Variants in ADAMTS19 observed in about 807,000 individuals in gnomAD.
The protein encoded by ADAMTS19 is A disintegrin and metalloproteinase with thrombospondin motifs 19.
ADAMTS19 carries 93 observed loss-of-function variants against 153.3 expected under a neutral mutation model. That is an observed-to-expected ratio of 0.61 (90% CI 0.51 to 0.72). The LOEUF (loss-of-function observed/expected upper bound fraction) is 0.72. ADAMTS19 is among the 30% of genes least tolerant of loss of function. The pLI is 0.00. For missense variants in ADAMTS19, 1,482 were observed against 1,552.1 expected, an observed-to-expected ratio of 0.95 and a Z score of 0.76; for synonymous variants, 600 against 556.6, an observed-to-expected ratio of 1.08 and a Z score of -1.10.
chr5:129,717,375 A>T (rs1205928425), intron 21 of ADAMTS19, among the ~76,000 whole-genome samples: 1 of 152,150 alleles, frequency 6.6e-6, no homozygotes, highest in Non-Finnish European at 1.5e-5. Flanking sequence ...TTCTGACTCT[A>T]ATTTGATAAC....
intron 10 of ADAMTS19, among the ~76,000 whole-genome samples, chr5:129,640,731 G>A (rs1181895794): frequency 1.3e-5 from 2 of 151,930 alleles, no homozygotes; most frequent in South Asian, 4.2e-4. Context: ...TACTTGTTCT[G>A]TCTTTATTGA....
chr5:129,574,544 C>G (rs940387902), intron 7 of ADAMTS19, among the ~76,000 whole-genome samples: 2 of 151,994 alleles, frequency 1.3e-5, no homozygotes, highest in African/African-American at 4.8e-5. Flanking sequence ...TTCTGGAAAA[C>G]TGACTTTTTT....
intron 8 of ADAMTS19, among the ~76,000 whole-genome samples, chr5:129,596,993 C>T (rs575322346): frequency 5.9e-5 from 9 of 152,160 alleles, no homozygotes; most frequent in African/African-American, 1.4e-4. Context: ...ACTTTTCAAA[C>T]GCTTAGTACA....
intron 6 of ADAMTS19, among the ~76,000 whole-genome samples, chr5:129,530,474 G>C (rs968954580): frequency 5.9e-5 from 9 of 152,096 alleles, no homozygotes; most frequent in Non-Finnish European, 1.0e-4. Context: ...GAGCGTTGTG[G>C]GGAGCAGAGG....
chr5:129,597,397 G>C (rs191966324), intron 8 of ADAMTS19, among the ~76,000 whole-genome samples: 1 of 152,228 alleles, frequency 6.6e-6, no homozygotes, highest in African/African-American at 2.4e-5. Flanking sequence ...CAGAAATATA[G>C]AGAATTTACC....
chr5:129,678,321 T>C (rs1754643633), intron 16 of ADAMTS19, among the ~76,000 whole-genome samples: 2 of 152,094 alleles, frequency 1.3e-5, no homozygotes, highest in Non-Finnish European at 2.9e-5. Flanking sequence ...TTATTTCCCT[T>C]CACTAATTTT....
chr5:129,538,201 A>G (rs540733179), intron 6 of ADAMTS19, among the ~76,000 whole-genome samples: 2 of 152,240 alleles, frequency 1.3e-5, no homozygotes, highest in East Asian at 3.9e-4. Flanking sequence ...CAGAAAACTG[A>G]TAAGTACAAG....
chr5:129,650,846 A>G (rs1753288020), intron 13 of ADAMTS19, among the ~76,000 whole-genome samples: 1 of 152,116 alleles, frequency 6.6e-6, no homozygotes, highest in Non-Finnish European at 1.5e-5. Flanking sequence ...ACCCTTCTCA[A>G]AAGACCTGCC....
At position 129,684,195 on chromosome 5, in the gene ADAMTS19, C is replaced by T. The variant is rs1389588283; in HGVS notation, c.2740C>T (p.Gln914Ter). 6.2e-7 allele frequency: 1 copy of T among 1,614,152 alleles called. No individual in the cohort carries two copies. Among genetic ancestry groups the T allele is most frequent in the Non-Finnish European group, 8.5e-7 (1 of 1,180,036 alleles). ...CCCATCAGACCCTCTTCCAGAAAAC[C>T]AGAGCTCTAAAGCACCTGAGCCCCT... ...TIPSDPLPEN[Q>*]SSKAPEPLFM... The change falls in exon 18 of 23, where the codon CAG (glutamine) becomes TAG (stop). Residue 914 changes from glutamine to a stop codon, truncating the protein, a stop_gained. Coordinates refer to ENST00000274487, the MANE Select transcript of ADAMTS19 (RefSeq NM_133638.6). LOFTEE classifies it high-confidence loss of function.
intron 10 of ADAMTS19, among the ~76,000 whole-genome samples, chr5:129,629,512 A>T (rs1056903972): frequency 6.6e-6 from 1 of 152,110 alleles, no homozygotes; most frequent in Non-Finnish European, 1.5e-5. Flanking sequence ...TATCACTTCC[A>T]TACTTATAAA....
chr5:129,484,955 G>A (rs1192732891), intron 2 of ADAMTS19, among the ~76,000 whole-genome samples: 11 of 151,770 alleles, frequency 7.2e-5, no homozygotes, highest in Admixed American at 3.9e-4. Context: ...CTCAGTAATC[G>A]GTAGAACAAG....
intron 7 of ADAMTS19, 67 bp from the exon 8 acceptor site, chr5:129,596,492 C>T: frequency 9.4e-7 from 1 of 1,068,454 alleles, no homozygotes; most frequent in Non-Finnish European, 1.4e-6. Flanking sequence ...ATTCCTGCTG[C>T]TAATAACTAG....
At chr5:129,521,138 T>C (rs895023202) in intron 3 of ADAMTS19, among the ~76,000 whole-genome samples, 4 of 152,210 alleles carry the variant, frequency 2.6e-5, no homozygotes, top group Non-Finnish European at 1.5e-5. Context: ...AAATAGTTGC[T>C]GTAGGAATTT....
rs1405405767 is a variant in ADAMTS19 at position 129,461,959 on chromosome 5, G to T, written c.747+202G>T. The stretch of plus-strand genomic sequence containing the variant: ...GTTGTGTAAATCGGAAGTTTAATTG[G>T]GTGGATAAATGGCCTTCTCCTTCCA... On this transcript the variant is annotated intron_variant, in intron 2 of 22. Transcript: ENST00000274487. This position sits in a 1 kb window ranked among gnomAD's most constrained non-coding sequence, Gnocchi z 4.6. 6.6e-6 allele frequency among the ~76,000 whole-genome samples: 1 copy of T among 152,174 alleles called. No individual in the cohort carries two copies. Among genetic ancestry groups the T allele is most frequent in the Non-Finnish European group, 1.5e-5 (1 of 68,028 alleles).
chr5:129,625,299 G>C (rs1751977769), intron 10 of ADAMTS19, among the ~76,000 whole-genome samples: 2 of 152,144 alleles, frequency 1.3e-5, no homozygotes, highest in South Asian at 4.1e-4. Flanking sequence ...ATAAACATAT[G>C]TGTGCATGTG....
intron 18 of ADAMTS19, among the ~76,000 whole-genome samples, chr5:129,687,615 A>T (rs1376625687): frequency 1.3e-5 from 2 of 152,150 alleles, no homozygotes; most frequent in African/African-American, 4.8e-5. Flanking sequence ...ATAACTTCTT[A>T]ATTATCAACA....
At chr5:129,672,841 C>T (rs187534474) in intron 16 of ADAMTS19, among the ~76,000 whole-genome samples, 64 of 151,816 alleles carry the variant, frequency 4.2e-4, no homozygotes, top group African/African-American at 1.5e-3. Context: ...CAAATACATA[C>T]ATATATGGCT....
intron 7 of ADAMTS19, among the ~76,000 whole-genome samples, chr5:129,593,869 CT>C (rs1750257400): frequency 6.6e-6 from 1 of 152,182 alleles, no homozygotes; most frequent in African/African-American, 2.4e-5. Flanking sequence ...ACTTATTCAG[CT>C]CTTCCATATT....
At chr5:129,540,637 A>G (rs990607324) in intron 6 of ADAMTS19, among the ~76,000 whole-genome samples, 1 of 152,106 alleles carries the variant, frequency 6.6e-6, no homozygotes, top group Non-Finnish European at 1.5e-5. Flanking sequence ...AAAACATATG[A>G]ATTGCAAAAG....
Sources: gnomAD v4.1 joint callset for allele counts (sites outside exome capture counted in the v4.1 genomes callset) on GRCh38, gnomAD v4.1.1 for gene constraint, Gnocchi (gnomAD v3.1) non-coding constraint, MANE v1.5 for transcripts, NCBI Gene and HGNC (gene_info 2026-07-23, HGNC 2026-07-21) for gene names.